Variants in OFD1 observed in about 807,000 individuals in gnomAD.
OFD1 encodes the protein OFD1 centriole and centriolar satellite protein, also known as centriole and centriolar satellite protein OFD1.
A neutral mutation model predicts 81.4 loss-of-function variants in OFD1; 12 were observed. The ratio of observed to expected loss-of-function variants is 0.15; its 90% CI spans 0.09 to 0.24. The LOEUF is 0.24. Among genes scored for constraint, OFD1 ranks in the 10% least tolerant of loss-of-function variants. The pLI is 1.00. For missense variants in OFD1, 685 were observed against 733.9 expected (o/e 0.93, Z 0.77); for synonymous variants, 256 against 263.7 (o/e 0.97, Z 0.28).
At chrX:13,720,261 A>G in the OFD1 span, 1 of 173,194 alleles carries the variant, frequency 5.8e-6, no homozygotes, top group Non-Finnish European at 1.1e-5. Flanking sequence ...CATGATCTGA[A>G]AATATGGCTC....
In OFD1 at chrX:13,749,517, G is replaced by A. The variant is rs139444990; in HGVS notation, c.919G>A (p.Val307Ile). The change falls in exon 9 of 23, where the codon GTT becomes ATT. Residue 307 changes from valine to isoleucine, a missense_variant. Val to Ile is a conservative substitution (Grantham distance 29, BLOSUM62 3). This residue lies in a region of OFD1 where 414 missense variants were observed against 447.2 expected (regional missense o/e 0.93). Coordinates refer to ENST00000340096, the MANE Select transcript of OFD1 (RefSeq NM_003611.3). ...AAGAGAAGCAGAGCTGAAGCAAAGA[G>A]TTGAAGCTTTTGAATTGTAAGTAAT... ...RGREAELKQR[V>I]EAFELNQKLQ... The A allele has an allele frequency of 6.2e-5, 73 of 1,169,575 alleles. No homozygotes were observed. The African/African-American group carries it at 1.2e-3, about 20-fold the overall frequency.
At chrX:13,768,997 C>T (rs909109618) in intron 22 of OFD1, 69 bp from the exon 23 acceptor site, 19 of 881,674 alleles carry the variant, frequency 2.2e-5, no homozygotes, top group Non-Finnish European at 3.0e-5. Flanking sequence ...GAATTGAGAA[C>T]ATTATGAAGA....
chrX:13,728,451 C>A, the OFD1 span, among the ~76,000 whole-genome samples: 1 of 111,965 alleles, frequency 8.9e-6, no homozygotes, highest in African/African-American at 3.3e-5. Flanking sequence ...TCAACATACG[C>A]AAATCGATAA....
chrX:13,724,867 T>C, the OFD1 span, among the ~76,000 whole-genome samples: 1 of 112,198 alleles, frequency 8.9e-6, no homozygotes, highest in South Asian at 3.7e-4. Context: ...CATGACAGAC[T>C]GTACCTGGAA....
intron 5 of OFD1, among the ~76,000 whole-genome samples, chrX:13,742,464 G>GA (rs1195696820): frequency 8.9e-6 from 1 of 111,976 alleles, no homozygotes; most frequent in Non-Finnish European, 1.9e-5. Flanking sequence ...ATACATGAAA[G>GA]AAAAAAGTAG....
chrX:13,724,137 G>C, the OFD1 span, among the ~76,000 whole-genome samples: 5 of 111,246 alleles, frequency 4.5e-5, no homozygotes, highest in East Asian at 8.5e-4. Context: ...TCTCAAGTGA[G>C]AGCCAGAACT....
At chrX:13,716,581 A>G in the OFD1 span, 1 of 1,211,779 alleles carries the variant, frequency 8.3e-7, no homozygotes, top group South Asian at 1.8e-5. Flanking sequence ...GAACTTGTCC[A>G]CAGTTTTCAA....
chrX:13,722,587 G>GA, the OFD1 span, among the ~76,000 whole-genome samples: 1 of 111,824 alleles, frequency 8.9e-6, no homozygotes, highest in Non-Finnish European at 1.9e-5. Context: ...AACCCTGGGA[G>GA]AAAATGACCT....
rs185739141 is a variant in OFD1 at position 13,738,671 on chromosome X, A to G, written c.313-175A>G. ...TTATCCTTTTGACCTTGATATGTTT[A>G]TAGTAATTTATTTAACAGTGTAAGA... On this transcript the variant is annotated intron_variant, in intron 3 of 22. Coordinates refer to ENST00000340096, the MANE Select transcript of OFD1 (RefSeq NM_003611.3). The G allele has an allele frequency of 2.4e-3, 996 of 417,010 alleles. 5 individuals are homozygous for G. Among genetic ancestry groups the G allele is most frequent in the African/African-American group, 0.023 (916 of 40,202 alleles). 34.4% of individuals were successfully genotyped at this position (417,010 alleles called of 1,213,427 possible).
At chrX:13,739,728 A>G in intron 5 of OFD1, 1 of 556,391 alleles carries the variant, frequency 1.8e-6, no homozygotes, top group Non-Finnish European at 2.2e-6. Context: ...TGCCTGGGCA[A>G]CAAGAGCAAA....
chrX:13,753,777 A>G (rs1439309784), intron 11 of OFD1, among the ~76,000 whole-genome samples: 1 of 101,926 alleles, frequency 9.8e-6, no homozygotes, highest in African/African-American at 3.8e-5. Context: ...ACTCCTAACC[A>G]TGAGAGACTT....
intron 8 of OFD1, among the ~76,000 whole-genome samples, chrX:13,748,289 T>C (rs771186200): frequency 1.2e-4 from 14 of 112,322 alleles, no homozygotes; most frequent in African/African-American, 1.9e-4. Context: ...TTGAAGAAGA[T>C]TGTCATCCTC....
chrX:13,734,155 T>C (rs1177318928), upstream of OFD1: 1 of 507,381 alleles, frequency 2.0e-6, no homozygotes, highest in South Asian at 2.5e-5. Context: ...GGAGACATCT[T>C]TGGTTGTCAC....
Position 13,735,318 on chromosome X carries a change from A to T in OFD1, c.83A>T (p.Lys28Met), listed in dbSNP as rs1405857087. 8.3e-7 allele frequency: 1 copy of T among 1,209,758 alleles called. No individual in the cohort carries two copies. Among genetic ancestry groups the T allele is most frequent in the South Asian group, 1.8e-5 (1 of 56,981 alleles). Residue 28 changes from lysine to methionine, a missense_variant, in exon 2 of 23, where the codon AAG (lysine) becomes ATG (methionine). Lys to Met is a moderately conservative substitution (Grantham distance 95). Around this residue, in one of 3 missense-constraint regions of OFD1, gnomAD observed 414 missense variants for 447.2 expected, o/e 0.93. Coordinates refer to ENST00000340096, the MANE Select transcript of OFD1 (RefSeq NM_003611.3). ...ELRKKLYQTF[K>M]DRGILDTLKT... is the part of the protein sequence containing the mutation. ...CGCAAAAAGCTATACCAGACGTTTA[A>T]GGATCGGGGTATACTGGATACACTC... is the stretch of plus-strand genomic sequence containing the variant.
Position 13,751,519 on chromosome X carries a change from G to A in OFD1, c.1055+151G>A. On this transcript the variant is annotated intron_variant, in intron 10 of 22. Transcript: ENST00000340096. ...TTATCGATACAGTCAATCCTTTCCT[G>A]CATTTGAGTTAGGATAGTTTTTAAA... The A allele has an allele frequency of 1.4e-5, 7 of 485,371 alleles. No homozygotes were observed. The South Asian group carries it at 2.0e-4, about 14-fold the overall frequency. The allele number at this position is 485,371 out of a possible 1,213,427, so 40.0% of individuals were successfully genotyped here. A position where few individuals can be genotyped will look rare whatever the true frequency, so the allele number is the denominator to read the frequency against.
chrX:13,771,146 T>G (rs1418225028), downstream of OFD1: 1 of 112,270 alleles, frequency 8.9e-6, no homozygotes, highest in Non-Finnish European at 1.9e-5. Flanking sequence ...ATAGCAAAAT[T>G]TAATGCTCTT....
chrX:13,752,179 T>C (rs369000752), intron 10 of OFD1, among the ~76,000 whole-genome samples: 2 of 112,237 alleles, frequency 1.8e-5, no homozygotes, highest in African/African-American at 3.2e-5. Flanking sequence ...AAAAGTGATA[T>C]AGGGAAAGGA....
intron 15 of OFD1, among the ~76,000 whole-genome samples, 191 bp from the exon 16 acceptor site, chrX:13,759,924 A>G (rs1165702384): frequency 1.8e-5 from 2 of 112,571 alleles, no homozygotes; most frequent in Non-Finnish European, 3.8e-5. Context: ...CAAAAGACAT[A>G]CAAAGCTGTA....
chrX:13,734,648 C>G (rs760922404), upstream of OFD1: 92 of 895,245 alleles, frequency 1.0e-4, 2 homozygotes, highest in East Asian at 3.6e-3. Context: ...TCTCGCGATA[C>G]GTAGGCGGAG....
Sources: gnomAD v4.1 joint callset for allele counts (sites outside exome capture counted in the v4.1 genomes callset) on GRCh38, gnomAD v4.1.1 for gene constraint, gnomAD v4.1.1 regional missense constraint, MANE v1.5 for transcripts, NCBI Gene and HGNC (gene_info 2026-07-23, HGNC 2026-07-21) for gene names.